Variants in PIGN observed in about 807,000 individuals in gnomAD.
PIGN encodes phosphatidylinositol glycan anchor biosynthesis class N.
A neutral mutation model predicts 125.4 loss-of-function variants in PIGN; 117 were observed. The observed-to-expected ratio is 0.93, with a 90% confidence interval of 0.80 to 1.09. The LOEUF (loss-of-function observed/expected upper bound fraction) is 1.09. Among genes scored for constraint, PIGN ranks in the 50% least tolerant of loss-of-function variants. The pLI, the probability that PIGN is intolerant of heterozygous loss-of-function variation, is 0.00. For missense variants in PIGN, 1,075 were observed against 1,094.9 expected, an observed-to-expected ratio of 0.98 and a Z score of 0.26; for synonymous variants, 392 against 377.8, an observed-to-expected ratio of 1.04 and a Z score of -0.44.
chr18:62,096,994 G>A (rs1452359026), intron 22 of PIGN, among the ~76,000 whole-genome samples: 4 of 151,894 alleles, frequency 2.6e-5, no homozygotes, highest in African/African-American at 7.2e-5. Flanking sequence ...ATAAACATAC[G>A]TGTGCATGTG....
chr18:62,094,426 TGG>T (rs1322873138), intron 23 of PIGN, among the ~76,000 whole-genome samples: 1 of 152,194 alleles, frequency 6.6e-6, no homozygotes, highest in Non-Finnish European at 1.5e-5. Context: ...AGTCAACCTC[TGG>T]GTGTGATCTC....
At position 62,047,368 on chromosome 18, in the gene PIGN, A is replaced by G. The variant is rs888141046; in HGVS notation, c.2673-1389T>C. Among the ~76,000 whole-genome samples, 27 of 152,206 alleles carry G rather than the reference A, an allele frequency of 1.8e-4. 1 individual carries two copies. The highest frequency in any genetic ancestry group is 1.6e-3 in the Admixed American group (24 of 15,284). On this transcript the variant is annotated intron_variant, in intron 30 of 30. Coordinates refer to ENST00000640252, the MANE Select transcript of PIGN (RefSeq NM_176787.5). ...GGAGCCTAGACTTCCACCTCCATGA[A>G]GCAGTAATGAGGTCCCTCCCCCTCT... is the stretch of plus-strand genomic sequence containing the variant.
chr18:62,121,246 A>C (rs765428811), intron 14 of PIGN, among the ~76,000 whole-genome samples: 7 of 152,182 alleles, frequency 4.6e-5, no homozygotes, highest in Non-Finnish European at 8.8e-5. Context: ...GTGTCATTTT[A>C]GTCTTAGGAA....
chr18:62,091,159 C>G (rs1345040259), intron 23 of PIGN, among the ~76,000 whole-genome samples: 1 of 152,058 alleles, frequency 6.6e-6, no homozygotes, highest in African/African-American at 2.4e-5. Context: ...CCAGTCTGGC[C>G]AGCATAGTGA....
At chr18:62,149,744 T>C (rs1204943277) in intron 7 of PIGN, among the ~76,000 whole-genome samples, 1 of 152,204 alleles carries the variant, frequency 6.6e-6, no homozygotes, top group South Asian at 2.1e-4. Context: ...GGTCATGACA[T>C]AACTTTGAAG....
chr18:62,176,086 A>C (rs1447867838), intron 1 of PIGN, among the ~76,000 whole-genome samples: 1 of 152,190 alleles, frequency 6.6e-6, no homozygotes, highest in Non-Finnish European at 1.5e-5. Context: ...TGAGATATAT[A>C]ACTAGGCTAT....
chr18:62,175,679 A>G (rs1045389309), intron 1 of PIGN, among the ~76,000 whole-genome samples: 1 of 152,182 alleles, frequency 6.6e-6, no homozygotes. Context: ...ATGTATCCTC[A>G]GACTAGAATA....
chr18:62,170,007 A>C lies in PIGN; in HGVS notation c.-235-6351T>G, dbSNP rs146445004. Among the ~76,000 whole-genome samples, 691 of 152,138 alleles carry C rather than the reference A, an allele frequency of 4.5e-3. 6 individuals are homozygous for C. The highest frequency in any genetic ancestry group is 7.4e-3 in the Non-Finnish European group (501 of 67,988). The stretch of plus-strand genomic sequence containing the variant: ...TACATTCCCACCAGCAATATATGAG[A>C]GTTTCAGTGGCTCTAATTCTCAGCA... On this transcript the variant is annotated intron_variant, in intron 1 of 30. Coordinates refer to ENST00000640252, the MANE Select transcript of PIGN (RefSeq NM_176787.5).
intron 22 of PIGN, among the ~76,000 whole-genome samples, chr18:62,098,503 G>A (rs1193168779): frequency 1.6e-4 from 24 of 152,164 alleles, no homozygotes; most frequent in Admixed American, 1.5e-3. Context: ...CACATTTTCT[G>A]TCCTTGTTTT....
chr18:62,166,538 A>G (rs895255771), intron 1 of PIGN, among the ~76,000 whole-genome samples: 1 of 152,224 alleles, frequency 6.6e-6, no homozygotes, highest in African/African-American at 2.4e-5. Flanking sequence ...CATTTGACCC[A>G]GCAATCCCAT....
rs1969697747 is a variant in PIGN at position 62,044,987 on chromosome 18, T to C, written c.*869A>G. The C allele has an allele frequency of 6.6e-6, 1 of 152,152 alleles. No individual in the cohort carries two copies. The highest frequency in any genetic ancestry group is 2.1e-4 in the South Asian group (1 of 4,834). The allele number at this position is 152,152 out of a possible 1,614,324, so 9.4% of individuals were successfully genotyped here. On this transcript the variant is annotated 3_prime_UTR_variant, in exon 31 of 31. Coordinates refer to ENST00000640252, the MANE Select transcript of PIGN (RefSeq NM_176787.5). ...ATAACACCTTTAATATGAATTCTTA[T>C]GATATTGTCAGAAAGTTTAACAGGA...
rs961969884 is a variant in PIGN at position 62,023,057 on chromosome 18, AT to A, written c.2143-5317del. ...TCTGTGCATGTTTGGAAAAGATGCA[AT>A]TTTTTTTTTCTGAATATTTTTGATC... On this transcript the variant is annotated intron_variant, in intron 23 of 24. Transcript: ENST00000639600. Among the ~76,000 whole-genome samples, 81 of 150,844 alleles carry A rather than the reference AT, an allele frequency of 5.4e-4. No individual in the cohort carries two copies. In the East Asian group the frequency reaches 8.0e-3, roughly 15 times the overall value.
At chr18:62,145,016 G>A (rs868634297) in intron 10 of PIGN, among the ~76,000 whole-genome samples, 7 of 151,440 alleles carry the variant, frequency 4.6e-5, no homozygotes, top group African/African-American at 9.7e-5. Context: ...GGCGGGGGGG[G>A]GGGGGCAGGG....
intron 10 of PIGN, among the ~76,000 whole-genome samples, chr18:62,144,609 C>T (rs1348677652): frequency 1.3e-5 from 2 of 152,180 alleles, no homozygotes; most frequent in Non-Finnish European, 2.9e-5. Context: ...TGAATGGCTC[C>T]CTCTTATCCT....
At chr18:62,178,354 G>C (rs2037599770) in intron 1 of PIGN, among the ~76,000 whole-genome samples, 1 of 151,718 alleles carries the variant, frequency 6.6e-6, no homozygotes, top group Non-Finnish European at 1.5e-5. Flanking sequence ...CCTTATGCTT[G>C]TTTCAGTGGA....
chr18:62,183,260 G>A (rs12968639), intron 1 of PIGN, among the ~76,000 whole-genome samples: 2 of 149,586 alleles, frequency 1.3e-5, no homozygotes, highest in African/African-American at 2.5e-5. Flanking sequence ...GTCACAGCTG[G>A]AAAAAAAAAA....
intron 20 of PIGN, 61 bp downstream of exon 20, chr18:62,105,482 A>C (rs2034599888): frequency 3.3e-6 from 3 of 905,816 alleles, no homozygotes; most frequent in Non-Finnish European, 5.2e-6. Context: ...CAAATTTTAC[A>C]GTGTTAATTG....
chr18:62,160,168 A>G (rs1029302715), intron 4 of PIGN, among the ~76,000 whole-genome samples: 2 of 152,170 alleles, frequency 1.3e-5, no homozygotes, highest in African/African-American at 2.4e-5. Flanking sequence ...TAATGATGAC[A>G]GATGGAGATG....
intron 12 of PIGN, among the ~76,000 whole-genome samples, chr18:62,139,559 G>C (rs10401077): frequency 0.021 from 3,136 of 152,270 alleles, 99 homozygotes; most frequent in East Asian, 0.12. Flanking sequence ...TATTTTTTAA[G>C]AGTACATTTG....
Sources: allele counts gnomAD v4.1 joint callset (sites outside exome capture counted in the v4.1 genomes callset), GRCh38; gene constraint gnomAD v4.1.1; transcripts MANE v1.5; gene names NCBI Gene and HGNC (gene_info 2026-07-23, HGNC 2026-07-21).